CCDC148: variants seen among roughly 807,000 people sequenced by gnomAD.
CCDC148 encodes coiled-coil domain containing 148.
In CCDC148, 89 loss-of-function variants were observed where a neutral mutation model predicts 85.7. That is an observed-to-expected ratio of 1.04 (90% confidence interval 0.87 to 1.24). CCDC148 has a LOEUF of 1.24. Ranked by LOEUF, CCDC148 falls within the 50% of genes most tolerant of loss-of-function variation. CCDC148 has a pLI of 0.00. For missense variants in CCDC148, 692 were observed against 671.7 expected, an observed-to-expected ratio of 1.03 and a Z score of -0.33; for synonymous variants, 230 against 213.9, an observed-to-expected ratio of 1.08 and a Z score of -0.66.
At chr2:158,348,463 C>G (rs970961171) in intron 2 of CCDC148, among the ~76,000 whole-genome samples, 4 of 151,378 alleles carry the variant, frequency 2.6e-5, no homozygotes. Context: ...AATGTACAGA[C>G]CATATCTAGA....
chr2:158,211,720 C>T (rs1686587804), intron 11 of CCDC148, among the ~76,000 whole-genome samples: 1 of 152,216 alleles, frequency 6.6e-6, no homozygotes, highest in African/African-American at 2.4e-5. Flanking sequence ...GATGTACAGT[C>T]ATCAGGAGCT....
At chr2:158,176,965 A>C (rs1684621081) in intron 12 of CCDC148, among the ~76,000 whole-genome samples, 1 of 152,110 alleles carries the variant, frequency 6.6e-6, no homozygotes, top group African/African-American at 2.4e-5. Flanking sequence ...GTCACAGGAA[A>C]TCTCATATAG....
intron 7 of CCDC148, among the ~76,000 whole-genome samples, chr2:158,328,110 A>G (rs1692881073): frequency 6.6e-6 from 1 of 151,906 alleles, no homozygotes; most frequent in Admixed American, 6.6e-5. Context: ...GGTGTACTGC[A>G]CCCAACAACT....
chr2:158,287,049 G>A (rs1404064102), intron 9 of CCDC148, among the ~76,000 whole-genome samples: 1 of 152,146 alleles, frequency 6.6e-6, no homozygotes, highest in African/African-American at 2.4e-5. Context: ...TTACATGGTG[G>A]TGGCAGGAGA....
At chr2:158,247,246 A>G (rs994851280) in intron 10 of CCDC148, among the ~76,000 whole-genome samples, 2 of 152,204 alleles carry the variant, frequency 1.3e-5, no homozygotes, top group Admixed American at 6.5e-5. Flanking sequence ...AAGATTTTCA[A>G]CCTCACAAAT....
chr2:158,319,915 A>G (rs1374247609), intron 7 of CCDC148, among the ~76,000 whole-genome samples: 1 of 152,190 alleles, frequency 6.6e-6, no homozygotes, highest in Admixed American at 6.5e-5. Flanking sequence ...TCAAATGAAT[A>G]GAATCAGTGA....
At position 158,246,926 on chromosome 2, in the gene CCDC148, C is replaced by T. The variant is rs181398196; in HGVS notation, c.1251+3846G>A. Among the ~76,000 whole-genome samples the T allele has an allele frequency of 9.1e-4, 138 of 152,284 alleles. 4 individuals carry two copies. In the South Asian group the frequency reaches 9.3e-3, roughly 10 times the overall value. On this transcript the variant is annotated intron_variant, in intron 10 of 13. Transcript: ENST00000283233. ...AAATGCATATGACCTTCAACAGAGA[C>T]ACATGTAAGAGCCACCTGTAGAGAT...
At chr2:158,326,277 T>A (rs563620064) in intron 7 of CCDC148, among the ~76,000 whole-genome samples, 43 of 152,278 alleles carry the variant, frequency 2.8e-4, no homozygotes, top group African/African-American at 8.9e-4. Flanking sequence ...AACTTTTATG[T>A]CACTTTCTCA....
At chr2:158,239,173 A>G (rs1299287992) in intron 10 of CCDC148, among the ~76,000 whole-genome samples, 2 of 152,188 alleles carry the variant, frequency 1.3e-5, no homozygotes, top group Non-Finnish European at 2.9e-5. Context: ...CCTAGCCAGA[A>G]AGTACAGTCA....
chr2:158,283,117 C>G (rs1357171712), intron 9 of CCDC148, among the ~76,000 whole-genome samples: 1 of 152,166 alleles, frequency 6.6e-6, no homozygotes, highest in Non-Finnish European at 1.5e-5. Flanking sequence ...ACACCTTATA[C>G]AAAAATCAAT....
Position 158,358,464 on chromosome 2 carries a change from G to A in CCDC148, c.132C>T (p.Ala44=), listed in dbSNP as rs1452132425. 1.9e-6 allele frequency: 3 copies of A among 1,605,876 alleles called. No individual in the cohort carries two copies. The highest frequency in any genetic ancestry group is 1.1e-5 in the South Asian group (1 of 89,748). Residue 44 remains alanine (A), a synonymous_variant, in exon 2 of 14, where the codon GCC becomes GCT. Transcript: ENST00000283233. ...AACTTCTAACCTTTAGCTTTGCAGA[G>A]GCAGAAGCCAATTTCTTTGCTTCAG... ...ALTEAKKLAS[A]SAKLKIRKAM... is the part of the protein sequence containing the mutation.
intron 1 of CCDC148, among the ~76,000 whole-genome samples, chr2:158,402,736 AT>A (rs763008999): frequency 2.0e-5 from 3 of 152,128 alleles, no homozygotes; most frequent in Non-Finnish European, 4.4e-5. Context: ...TCAAAGGAAT[AT>A]TCTCTGCCAG....
intron 2 of CCDC148, among the ~76,000 whole-genome samples, chr2:158,349,698 C>T (rs1683165979): frequency 6.6e-6 from 1 of 151,818 alleles, no homozygotes; most frequent in Admixed American, 6.6e-5. Flanking sequence ...TTAGAAGACT[C>T]CAAAAAATAA....
At chr2:158,203,478 C>A (rs774456213) in intron 11 of CCDC148, among the ~76,000 whole-genome samples, 9 of 151,974 alleles carry the variant, frequency 5.9e-5, no homozygotes, top group Non-Finnish European at 1.3e-4. Flanking sequence ...CTATTAATGG[C>A]AAATGAGTTG....
chr2:158,340,625 C>T lies in CCDC148; in HGVS notation c.307G>A (p.Glu103Lys). Residue 103 changes from glutamate to lysine, a missense_variant, in exon 4 of 14, where the codon GAA becomes AAA. Glu to Lys is a moderately conservative substitution (Grantham distance 56, BLOSUM62 1). Transcript: ENST00000283233. Reference protein sequence around the residue: ...SLLNEENIGNECLCDLTNFEQ... With the variant: ...SLLNEENIGNKCLCDLTNFEQ... ...AAATTTGTAAGGTCACAAAGACATT[C>T]ATTTCCAATGTTCTCTTCATTGAGA... The T allele has an allele frequency of 6.3e-7, 1 of 1,590,652 alleles. No individual in the cohort carries two copies. The highest frequency in any genetic ancestry group is 8.6e-7 in the Non-Finnish European group (1 of 1,166,530).
chr2:158,228,314 G>T (rs1328969853), intron 10 of CCDC148, among the ~76,000 whole-genome samples: 1 of 152,190 alleles, frequency 6.6e-6, no homozygotes, highest in African/African-American at 2.4e-5. Flanking sequence ...AACAACAAGT[G>T]CTGGAGAGGA....
chr2:158,289,106 T>A (rs1332117602), intron 9 of CCDC148, among the ~76,000 whole-genome samples: 1 of 152,176 alleles, frequency 6.6e-6, no homozygotes, highest in East Asian at 1.9e-4. Flanking sequence ...AGAGATACAA[T>A]TCAACTTGAG....
chr2:158,220,117 A>T (rs2105301215), intron 11 of CCDC148, among the ~76,000 whole-genome samples: 1 of 152,340 alleles, frequency 6.6e-6, no homozygotes, highest in South Asian at 2.1e-4. Flanking sequence ...CAGATCTAAA[A>T]TTACATACTT....
At chr2:158,244,997 T>C (rs1430821281) in intron 10 of CCDC148, among the ~76,000 whole-genome samples, 1 of 152,202 alleles carries the variant, frequency 6.6e-6, no homozygotes, top group Non-Finnish European at 1.5e-5. Flanking sequence ...GAATAAAAGA[T>C]GCTGGAGAAC....
Sources: allele counts gnomAD v4.1 joint callset (sites outside exome capture counted in the v4.1 genomes callset), GRCh38; gene constraint gnomAD v4.1.1; transcripts MANE v1.5; gene names NCBI Gene and HGNC (gene_info 2026-07-23, HGNC 2026-07-21).